Variants in IRAK1BP1 observed in about 807,000 individuals in gnomAD.
IRAK1BP1 encodes the protein interleukin-1 receptor-associated kinase 1-binding protein 1.
A neutral mutation model predicts 28.0 loss-of-function variants in IRAK1BP1; 24 were observed. The ratio of observed to expected loss-of-function variants is 0.86; its 90% CI spans 0.62 to 1.20. The LOEUF is 1.20. IRAK1BP1 is among the 50% of genes most tolerant of loss of function. IRAK1BP1 has a pLI of 0.00. For synonymous variants in IRAK1BP1, 131 were observed against 116.3 expected (o/e 1.13, Z -0.81); for missense variants, 336 against 316.7 (o/e 1.06, Z -0.46).
intron 4 of IRAK1BP1, among the ~76,000 whole-genome samples, chr6:78,942,788 T>C (rs2127679270): frequency 6.6e-6 from 1 of 152,348 alleles, no homozygotes; most frequent in African/African-American, 2.4e-5. Flanking sequence ...AAGGACTACA[T>C]GAATCCCTTG....
chr6:78,904,175 A>C (rs1222791494), downstream of IRAK1BP1, among the ~76,000 whole-genome samples: 5 of 152,214 alleles, frequency 3.3e-5, no homozygotes, highest in African/African-American at 1.2e-4. Context: ...GCAGTCCAAT[A>C]AGCATGCTTT....
At chr6:78,970,634 A>T in the IRAK1BP1 span, 1 of 550,546 alleles carries the variant, frequency 1.8e-6, no homozygotes, top group East Asian at 3.2e-5. Flanking sequence ...AAAATTAAAC[A>T]CCTCCTACTC....
the IRAK1BP1 span, among the ~76,000 whole-genome samples, chr6:78,963,576 C>T: frequency 5.3e-5 from 8 of 152,164 alleles, no homozygotes; most frequent in East Asian, 1.5e-3. Context: ...TCATAATTGC[C>T]ATGTTTACTT....
chr6:78,969,719 C>A, the IRAK1BP1 span: 1 of 543,384 alleles, frequency 1.8e-6, no homozygotes, highest in Non-Finnish European at 3.2e-6. Context: ...AACATTCCTA[C>A]AAATAGCAAA....
chr6:78,921,473 G>A (rs1772725124), intron 4 of IRAK1BP1, among the ~76,000 whole-genome samples: 1 of 152,238 alleles, frequency 6.6e-6, no homozygotes, highest in African/African-American at 2.4e-5. Flanking sequence ...AGGCCTGCCT[G>A]CCTCTGTAGA....
In IRAK1BP1 at chr6:78,933,343, C is replaced by T. The variant is rs544382574; in HGVS notation, c.*68-12065C>T. 5.3e-5 allele frequency among the ~76,000 whole-genome samples: 8 copies of T among 152,292 alleles called. No individual in the cohort carries two copies. The South Asian group carries it at 6.2e-4, about 12-fold the overall frequency. On this transcript the variant is annotated intron_variant and NMD_transcript_variant, in intron 4 of 4. Transcript: ENST00000606868. ...CTTAAACATCATGAACCAGGCCGGA[C>T]GCGATGGCTCACGCCTGTAATCCCA... is the stretch of plus-strand genomic sequence containing the variant.
chr6:78,889,134 A>G (rs1185753806), intron 2 of IRAK1BP1, among the ~76,000 whole-genome samples: 6 of 123,306 alleles, frequency 4.9e-5, no homozygotes, highest in Non-Finnish European at 9.8e-5. Context: ...AAAAAAAAAA[A>G]GAAAGAAAGA....
At chr6:78,955,888 T>C in the IRAK1BP1 span, 1 of 305,778 alleles carries the variant, frequency 3.3e-6, no homozygotes, top group African/African-American at 2.1e-5. Flanking sequence ...GGCCTCACTA[T>C]ATCATTACAC....
At position 78,898,259 on chromosome 6, in the gene IRAK1BP1, A is replaced by G. The variant is rs772337994; in HGVS notation, c.708A>G (p.Ala236=). 4 of 1,613,140 alleles carry G rather than the reference A, an allele frequency of 2.5e-6. No individual in the cohort carries two copies. ...SLTVQQKIKS[A]TIHAASKVFI... is the part of the protein sequence containing the mutation. Reference sequence around the variant, plus strand: ...CTGTACAACAAAAAATCAAAAGTGCAACAATACATGCTGCTTCAAAAGTAT... The same window carrying G: ...CTGTACAACAAAAAATCAAAAGTGCGACAATACATGCTGCTTCAAAAGTAT... The change falls in exon 4 of 4, where the codon GCA becomes GCG. Residue 236 remains alanine (A), a synonymous_variant. Transcript: ENST00000369940.
chr6:78,977,783 G>A, the IRAK1BP1 span, among the ~76,000 whole-genome samples: 6 of 152,224 alleles, frequency 3.9e-5, no homozygotes, highest in Middle Eastern at 0.01. Context: ...TCTTCAAGTC[G>A]TATGAGGCAA....
intron 2 of IRAK1BP1, among the ~76,000 whole-genome samples, chr6:78,888,815 T>C (rs1401667391): frequency 6.6e-6 from 1 of 151,858 alleles, no homozygotes; most frequent in Non-Finnish European, 1.5e-5. Context: ...GCCTAAATAA[T>C]TTTTTTTAAA....
At chr6:78,888,270 T>C (rs145407529) in intron 2 of IRAK1BP1, among the ~76,000 whole-genome samples, 19 of 152,328 alleles carry the variant, frequency 1.2e-4, no homozygotes, top group African/African-American at 2.6e-4. Flanking sequence ...ATATGGGCTA[T>C]ACAGTGTAGT....
chr6:78,967,099 T>C, the IRAK1BP1 span, among the ~76,000 whole-genome samples: 1 of 152,210 alleles, frequency 6.6e-6, no homozygotes, highest in Admixed American at 6.5e-5. Context: ...AAAGTAGTTA[T>C]GTTCTCATTT....
At chr6:78,973,728 C>G in the IRAK1BP1 span, among the ~76,000 whole-genome samples, 1 of 151,780 alleles carries the variant, frequency 6.6e-6, no homozygotes, top group Admixed American at 6.6e-5. Flanking sequence ...GGTTGCAATC[C>G]TAGTCTGATA....
At chr6:78,963,106 T>A in the IRAK1BP1 span, 1 of 1,598,470 alleles carries the variant, frequency 6.3e-7, no homozygotes, top group African/African-American at 1.4e-5. Flanking sequence ...CCTAGTGTCA[T>A]CAACTGGTTT....
chr6:78,954,903 T>C, the IRAK1BP1 span: 1 of 1,588,820 alleles, frequency 6.3e-7, no homozygotes, highest in Non-Finnish European at 8.6e-7. Context: ...CACTGTTTCT[T>C]CCATGCTTGA....
intron 4 of IRAK1BP1, among the ~76,000 whole-genome samples, chr6:78,910,251 A>G (rs7756858): frequency 0.47 from 71,687 of 151,870 alleles, 17,260 homozygotes; most frequent in East Asian, 0.69. Context: ...AGGACGGGCG[A>G]GGGCCTATCA....
intron 1 of IRAK1BP1, among the ~76,000 whole-genome samples, chr6:78,883,643 AAG>A (rs1225435488): frequency 6.6e-6 from 1 of 152,216 alleles, no homozygotes; most frequent in African/African-American, 2.4e-5. Context: ...AATGACAAAA[AAG>A]TTTCATGTTA....
chr6:78,917,205 A>T (rs747567095), intron 4 of IRAK1BP1, among the ~76,000 whole-genome samples: 1 of 152,134 alleles, frequency 6.6e-6, no homozygotes, highest in Non-Finnish European at 1.5e-5. Context: ...ATGAAGGAAG[A>T]GATAAACATT....
Sources: allele counts gnomAD v4.1 joint callset (sites outside exome capture counted in the v4.1 genomes callset), GRCh38; gene constraint gnomAD v4.1.1; transcripts MANE v1.5; gene names NCBI Gene and HGNC (gene_info 2026-07-23, HGNC 2026-07-21).